The following CDC42BPB variants were observed in gnomAD, a reference collection of about 807,000 sequenced individuals.
The protein encoded by CDC42BPB is serine/threonine-protein kinase MRCK beta.
Under a neutral mutation model 214.9 loss-of-function variants are expected in CDC42BPB, and 37 were observed. The ratio of observed to expected loss-of-function variants is 0.17; its 90% confidence interval spans 0.13 to 0.23. The LOEUF (loss-of-function observed/expected upper bound fraction) is 0.23. Among genes scored for constraint, CDC42BPB ranks in the 10% least tolerant of loss-of-function variants. The pLI, the probability that CDC42BPB is intolerant of heterozygous loss-of-function variation, is 1.00. For synonymous variants in CDC42BPB, 931 were observed against 884.0 expected (o/e 1.05, Z -0.94); for missense variants, 1,694 against 2,227.0 (o/e 0.76, Z 4.82).
Position 103,041,467 on chromosome 14 carries a change from C to A in CDC42BPB, c.175+15532G>T. 2.5e-6 allele frequency: 3 copies of A among 1,207,372 alleles called. No homozygotes were observed. The South Asian group carries it at 3.9e-5, about 16-fold the overall frequency. The allele number at this position is 1,207,372 out of a possible 1,614,324, so 74.8% of individuals were successfully genotyped here. A position where few individuals can be genotyped will look rare whatever the true frequency, so the allele number is the denominator to read the frequency against. The stretch of plus-strand genomic sequence containing the variant: ...CCTGCACAGAAGGGGCTCTAGGCAG[C>A]CATGGCGCCCAGCCAGAATGGCATG... On this transcript the variant is annotated intron_variant, in intron 1 of 36. Coordinates refer to ENST00000361246, the MANE Select transcript of CDC42BPB (RefSeq NM_006035.4).
intron 18 of CDC42BPB, among the ~76,000 whole-genome samples, 163 bp downstream of exon 18, chr14:102,966,119 T>C (rs1893190536): frequency 6.6e-6 from 1 of 152,236 alleles, no homozygotes; most frequent in African/African-American, 2.4e-5. Context: ...CATGATGATC[T>C]GAGAGCTGGC....
Position 102,946,642 on chromosome 14 carries a change from G to A in CDC42BPB, c.3574C>T (p.Leu1192=), listed in dbSNP as rs1165586314. ...LLGAPSKTSS[L]LILTENENEK... is the part of the protein sequence containing the mutation. ...TTCTCATTTTCTGTCAGAATGAGCA[G>A]CGAGCTGGTCTTAGAAGGTGCACCT... is the stretch of plus-strand genomic sequence containing the variant. The change falls in exon 28 of 37, where the codon CTG becomes TTG. Residue 1192 remains leucine (L), a synonymous_variant. Transcript: ENST00000361246. 9 of 1,612,684 alleles carry A rather than the reference G, an allele frequency of 5.6e-6. No homozygotes were observed. Among genetic ancestry groups the A allele is most frequent in the Middle Eastern group, 1.6e-4 (1 of 6,084 alleles).
chr14:102,954,620 A>T lies in CDC42BPB; in HGVS notation c.2970T>A (p.Ala990=), dbSNP rs1332276319. The change falls in exon 22 of 37, where the codon GCT becomes GCA. Residue 990 remains alanine (A), a synonymous_variant. Coordinates refer to ENST00000361246, the MANE Select transcript of CDC42BPB (RefSeq NM_006035.4). ...KPEASPSMSV[A]ASEQQEDMAR... Reference sequence around the variant, plus strand: ...GTCTCACCTCCTGCTGCTCTGATGCAGCCACAGACATCGACGGGGACGCTT... The same window carrying T: ...GTCTCACCTCCTGCTGCTCTGATGCTGCCACAGACATCGACGGGGACGCTT... The T allele has an allele frequency of 6.2e-7, 1 of 1,613,722 alleles. No homozygotes were observed. Among genetic ancestry groups the T allele is most frequent in the Non-Finnish European group, 8.5e-7 (1 of 1,179,824 alleles).
intron 5 of CDC42BPB, among the ~76,000 whole-genome samples, chr14:102,991,131 T>C (rs533598105): frequency 6.6e-6 from 1 of 152,332 alleles, no homozygotes; most frequent in African/African-American, 2.4e-5. Context: ...AAAAACTATA[T>C]AGCAGAAAAA....
chr14:102,997,568 C>T (rs905678765), intron 5 of CDC42BPB, among the ~76,000 whole-genome samples: 3 of 152,126 alleles, frequency 2.0e-5, no homozygotes, highest in Non-Finnish European at 4.4e-5. Flanking sequence ...AGGAGGGGAA[C>T]GATGGAAGGG....
At position 103,001,922 on chromosome 14, in the gene CDC42BPB, C is replaced by T. The variant is rs1165922118; in HGVS notation, c.447+2006G>A. Among the ~76,000 whole-genome samples, 2 of 152,284 alleles carry T rather than the reference C, an allele frequency of 1.3e-5. No homozygotes were observed. Among genetic ancestry groups the T allele is most frequent in the East Asian group, 1.9e-4 (1 of 5,180 alleles). The stretch of plus-strand genomic sequence containing the variant: ...GCATGGTCTCTGAGGAAAGCTAACG[C>T]GGGAGCTCGTGAGGCAGACGGCGGA... On this transcript the variant is annotated intron_variant, in intron 4 of 36. Coordinates refer to ENST00000361246, the MANE Select transcript of CDC42BPB (RefSeq NM_006035.4). This position sits in a 1 kb window ranked among gnomAD's most constrained non-coding sequence, Gnocchi z 5.8.
chr14:102,986,403 A>T, intron 6 of CDC42BPB, 84 bp downstream of exon 6: 2 of 847,628 alleles, frequency 2.4e-6, no homozygotes, highest in Non-Finnish European at 3.8e-6. Flanking sequence ...TTGGTTTCTT[A>T]ATTGTACCTC....
chr14:102,967,257 C>T (rs935434292), intron 16 of CDC42BPB, 87 bp from the exon 17 acceptor site: 1 of 1,482,446 alleles, frequency 6.7e-7, no homozygotes, highest in South Asian at 1.4e-5. Flanking sequence ...CTTTTGAAGA[C>T]TCTGAAAGTT....
intron 1 of CDC42BPB, among the ~76,000 whole-genome samples, chr14:103,056,671 C>CG (rs546172040): frequency 1.2e-3 from 5 of 4,252 alleles, no homozygotes; most frequent in African/African-American, 4.0e-3. Context: ...GAGGGCCCGG[C>CG]GGGGGGGAGG....
rs1307966007 is a variant in CDC42BPB, at chr14:103,001,263, C to T, written c.448-1550G>A. Among the ~76,000 whole-genome samples the T allele has an allele frequency of 6.6e-6, 1 of 152,182 alleles. No individual in the cohort carries two copies. The highest frequency in any genetic ancestry group is 1.5e-5 in the Non-Finnish European group (1 of 68,026). On this transcript the variant is annotated intron_variant, in intron 4 of 36. Coordinates refer to ENST00000361246, the MANE Select transcript of CDC42BPB (RefSeq NM_006035.4). The surrounding 1 kb of genome is among the most constrained non-coding windows in gnomAD (Gnocchi z 5.8). ...CGCTCGTGCACCCTCACTGTGGCCC[C>T]GCCAGCCCCTCTGGCAACAGGGGTG...
intron 9 of CDC42BPB, among the ~76,000 whole-genome samples, chr14:102,977,339 CAAAAAA>C (rs56368090): frequency 2.4e-5 from 2 of 85,096 alleles, no homozygotes; most frequent in Admixed American, 1.5e-4. Context: ...ACTCCGTCTC[CAAAAAA>C]AAAAAAAAAA....
chr14:103,008,605 C>A (rs570102179), intron 2 of CDC42BPB, 50 bp from the exon 3 acceptor site: 2 of 1,591,454 alleles, frequency 1.3e-6, no homozygotes, highest in African/African-American at 1.3e-5. Flanking sequence ...GAACAAAAGG[C>A]TAGCACGCTG....
intron 1 of CDC42BPB, among the ~76,000 whole-genome samples, chr14:103,049,424 G>C (rs1888483438): frequency 1.3e-5 from 2 of 152,236 alleles, no homozygotes; most frequent in South Asian, 4.1e-4. Flanking sequence ...CTTCACGTGA[G>C]AGAAATCAAC....
At chr14:103,054,283 G>A (rs753605581) in intron 1 of CDC42BPB, among the ~76,000 whole-genome samples, 1 of 152,254 alleles carries the variant, frequency 6.6e-6, no homozygotes, top group South Asian at 2.1e-4. Flanking sequence ...TAAGTTTCAA[G>A]AATTCTCCAT....
intron 17 of CDC42BPB, 26 bp from the exon 18 acceptor site, chr14:102,966,413 CTCACGAAGCATGG>C (rs1442613955): frequency 5.6e-6 from 9 of 1,610,806 alleles, no homozygotes; most frequent in Non-Finnish European, 5.9e-6. Flanking sequence ...GATGTTCTAT[CTCACGAAGCATGG>C]CTATCAGGGA....
intron 6 of CDC42BPB, among the ~76,000 whole-genome samples, chr14:102,984,668 T>C (rs1163311279): frequency 6.6e-6 from 1 of 151,596 alleles, no homozygotes; most frequent in Non-Finnish European, 1.5e-5. Context: ...GAGAGAACGA[T>C]GGAGAGTATA....
chr14:103,003,367 G>A (rs535888836), intron 4 of CDC42BPB, among the ~76,000 whole-genome samples: 5 of 152,332 alleles, frequency 3.3e-5, no homozygotes, highest in South Asian at 2.1e-4. Flanking sequence ...AGGCGAACAC[G>A]CTTGACAATG....
intron 24 of CDC42BPB, 62 bp downstream of exon 24, chr14:102,952,436 G>T: frequency 9.7e-7 from 1 of 1,035,104 alleles, no homozygotes; most frequent in Non-Finnish European, 1.5e-6. Context: ...GCCGGCTGGT[G>T]CCCTTAGCTG....
chr14:102,950,119 C>T (rs1330992947), intron 25 of CDC42BPB: 3 of 984,824 alleles, frequency 3.0e-6, no homozygotes, highest in Non-Finnish European at 2.4e-6. Flanking sequence ...TCAGCCAACG[C>T]TGTGTCCACC....
Sources: allele counts gnomAD v4.1 joint callset (sites outside exome capture counted in the v4.1 genomes callset), GRCh38; gene constraint gnomAD v4.1.1; non-coding constraint Gnocchi (gnomAD v3.1); transcripts MANE v1.5; gene names NCBI Gene and HGNC (gene_info 2026-07-23, HGNC 2026-07-21).